KHDRBS3: variants seen among roughly 807,000 people sequenced by gnomAD.
KHDRBS3 encodes KH RNA binding domain containing, signal transduction associated 3, also known as KH domain-containing, RNA-binding, signal transduction-associated protein 3.
KHDRBS3 carries 23 observed loss-of-function variants against 45.6 expected under a neutral mutation model. The ratio of observed to expected loss-of-function variants is 0.50; its 90% CI spans 0.36 to 0.72. KHDRBS3 has a LOEUF of 0.72. Among genes scored for constraint, KHDRBS3 ranks in the 30% least tolerant of loss-of-function variants. The pLI is 0.00. For missense variants in KHDRBS3, 352 were observed against 424.8 expected (o/e 0.83, Z 1.51); for synonymous variants, 162 against 156.5 (o/e 1.04, Z -0.26).
At chr8:135,487,126 C>T (rs1822902999) in intron 1 of KHDRBS3, among the ~76,000 whole-genome samples, 1 of 152,004 alleles carries the variant, frequency 6.6e-6, no homozygotes, top group Admixed American at 6.5e-5. Flanking sequence ...TGTTATTTGA[C>T]ACCATTTGTA....
chr8:135,544,810 T>G (rs1826210958), intron 3 of KHDRBS3, among the ~76,000 whole-genome samples: 1 of 152,104 alleles, frequency 6.6e-6, no homozygotes, highest in South Asian at 2.1e-4. Context: ...AGTGGCTGAT[T>G]GTGTATATTT....
chr8:135,600,053 G>A (rs936216501), intron 6 of KHDRBS3, among the ~76,000 whole-genome samples: 2 of 31,818 alleles, frequency 6.3e-5, no homozygotes, highest in African/African-American at 1.8e-4. Flanking sequence ...AGGCAGCAGT[G>A]GCAGGCACCT....
rs148530954 is a variant in KHDRBS3, at chr8:135,614,926, G to A, written c.890+7889G>A. Among the ~76,000 whole-genome samples, 71 of 151,922 alleles carry A rather than the reference G, an allele frequency of 4.7e-4. 1 individual carries two copies. The East Asian group carries it at 0.012, about 26-fold the overall frequency. ...ATCTAGCATTGGCAAGTGGGAATTC[G>A]TAGCCAAGAAGTCGGGCTAGGGTCA... On this transcript the variant is annotated intron_variant, in intron 7 of 8. Transcript: ENST00000355849.
At chr8:135,650,552 AG>A (rs1831408169), downstream of KHDRBS3, among the ~76,000 whole-genome samples, 1 of 152,222 alleles carries the variant, frequency 6.6e-6, no homozygotes. Flanking sequence ...AAGCTTCAGG[AG>A]GTGAATTTCA....
chr8:135,548,736 CT>C lies in KHDRBS3; in HGVS notation c.325-12del. 3 of 1,483,546 alleles carry C rather than the reference CT, an allele frequency of 2.0e-6. No homozygotes were observed. Among genetic ancestry groups the C allele is most frequent in the Admixed American group, 2.3e-5 (1 of 42,720 alleles). The allele number at this position is 1,483,546 out of a possible 1,614,324, so 91.9% of individuals were successfully genotyped here. On this transcript the variant is annotated splice_polypyrimidine_tract_variant and intron_variant, in intron 3 of 8. Transcript: ENST00000355849. ...AATGACACGTTTTTAAATGTGATTT[CT>C]TTTTTCCTTTTTCCAGGAAGAAGAG...
chr8:135,589,518 C>T (rs983817254), intron 6 of KHDRBS3, among the ~76,000 whole-genome samples: 1 of 152,162 alleles, frequency 6.6e-6, no homozygotes, highest in East Asian at 1.9e-4. Flanking sequence ...ACTGTTTTCC[C>T]GAGCTCTTGG....
chr8:135,594,808 C>A (rs539041723), intron 6 of KHDRBS3, among the ~76,000 whole-genome samples: 2 of 152,234 alleles, frequency 1.3e-5, no homozygotes, highest in South Asian at 2.1e-4. Flanking sequence ...ACTGCTCCAG[C>A]CACTTTGGAA....
chr8:135,597,256 C>T (rs1219730987), intron 6 of KHDRBS3, among the ~76,000 whole-genome samples: 1 of 152,094 alleles, frequency 6.6e-6, no homozygotes, highest in East Asian at 1.9e-4. Context: ...AAGCCTGTCA[C>T]GAAGGCATTA....
intron 4 of KHDRBS3, 123 bp downstream of exon 4, chr8:135,549,023 C>T: frequency 1.8e-6 from 1 of 545,418 alleles, no homozygotes; most frequent in Non-Finnish European, 3.0e-6. Flanking sequence ...GTATGGACAT[C>T]ACCTCAAGTA....
intron 1 of KHDRBS3, among the ~76,000 whole-genome samples, chr8:135,459,419 A>G (rs189163907): frequency 1.8e-4 from 27 of 152,340 alleles, no homozygotes; most frequent in African/African-American, 6.5e-4. Context: ...GTGAATGGGC[A>G]TGCATTCCTA....
At chr8:135,513,729 T>C (rs1433496359) in intron 1 of KHDRBS3, among the ~76,000 whole-genome samples, 2 of 152,170 alleles carry the variant, frequency 1.3e-5, no homozygotes, top group Non-Finnish European at 2.9e-5. Context: ...AGTACCAATT[T>C]TTACCTTAAC....
At position 135,542,752 on chromosome 8, in the gene KHDRBS3, C is replaced by T. The variant is rs763596848; in HGVS notation, c.306C>T (p.Ser102=). Residue 102 remains serine (S), a synonymous_variant, in exon 3 of 9, where the codon TCC becomes TCT. Transcript: ENST00000355849. ...LTKMSILGKG[S]MRDKAKEEEL... ...AAATGTCCATCCTTGGGAAAGGTTC[C>T]ATGAGAGACAAGGCCAAGGTAATAT... 3 of 1,610,260 alleles carry T rather than the reference C, an allele frequency of 1.9e-6. No homozygotes were observed. The South Asian group carries it at 3.3e-5, about 18-fold the overall frequency.
At chr8:135,562,903 A>C (rs1214085263) in intron 5 of KHDRBS3, among the ~76,000 whole-genome samples, 1 of 152,232 alleles carries the variant, frequency 6.6e-6, no homozygotes, top group Non-Finnish European at 1.5e-5. Flanking sequence ...ATGAATAGCC[A>C]TAAATTGGCC....
chr8:135,563,214 C>T (rs1827248319), intron 5 of KHDRBS3, among the ~76,000 whole-genome samples: 2 of 152,324 alleles, frequency 1.3e-5, no homozygotes, highest in South Asian at 4.1e-4. Context: ...ACTCTCCTCC[C>T]CTATCTGACT....
At chr8:135,576,269 A>G (rs1827942192) in intron 5 of KHDRBS3, among the ~76,000 whole-genome samples, 1 of 152,090 alleles carries the variant, frequency 6.6e-6, no homozygotes, top group African/African-American at 2.4e-5. Context: ...TTCTTACTAT[A>G]TCCTTTAAAA....
intron 1 of KHDRBS3, among the ~76,000 whole-genome samples, chr8:135,500,536 C>A (rs1404932317): frequency 6.6e-6 from 1 of 152,158 alleles, no homozygotes; most frequent in African/African-American, 2.4e-5. Flanking sequence ...AGGCAGTTAG[C>A]TCTTAACTAT....
intron 7 of KHDRBS3, chr8:135,625,906 A>G (rs1356623803): frequency 6.4e-6 from 5 of 777,080 alleles, no homozygotes; most frequent in Non-Finnish European, 1.2e-5. Flanking sequence ...TGCAGAGACT[A>G]ATTGATCCAG....
intron 1 of KHDRBS3, among the ~76,000 whole-genome samples, chr8:135,463,931 AG>A (rs1363489697): frequency 6.6e-6 from 1 of 152,220 alleles, no homozygotes; most frequent in African/African-American, 2.4e-5. Flanking sequence ...CTTCCGTGCC[AG>A]CTGCTTTCTG....
At chr8:135,633,236 T>C (rs1200726912) in intron 7 of KHDRBS3, among the ~76,000 whole-genome samples, 1 of 152,226 alleles carries the variant, frequency 6.6e-6, no homozygotes, top group Non-Finnish European at 1.5e-5. Context: ...TCTCATATTA[T>C]TTGATTTTGT....
Sources: gnomAD v4.1 joint callset for allele counts (sites outside exome capture counted in the v4.1 genomes callset) on GRCh38, gnomAD v4.1.1 for gene constraint, MANE v1.5 for transcripts, NCBI Gene and HGNC (gene_info 2026-07-23, HGNC 2026-07-21) for gene names.